The following ABCA9 variants were observed in gnomAD, a reference collection of about 807,000 sequenced individuals.
ABCA9 encodes the protein ATP binding cassette subfamily A member 9.
ABCA9 carries 183 observed loss-of-function variants against 205.3 expected under a neutral mutation model. The ratio of observed to expected loss-of-function variants is 0.89; its 90% CI spans 0.79 to 1.01. The LOEUF (loss-of-function observed/expected upper bound fraction) is 1.01, where lower values mean the gene tolerates loss of function less well. Among genes scored for constraint, ABCA9 ranks in the 50% least tolerant of loss-of-function variants. The pLI is 0.00. For synonymous variants in ABCA9, 651 were observed against 683.3 expected (o/e 0.95, Z 0.74); for missense variants, 1,805 against 1,912.4 (o/e 0.94, Z 1.05).
Position 69,016,278 on chromosome 17 carries a change from T to G in ABCA9, c.3014A>C (p.Gln1005Pro). The change falls in exon 22 of 39, where the codon CAG becomes CCG. Residue 1005 changes from glutamine (Q) to proline (P), a missense_variant. Transcript: ENST00000340001. ...LGIFNSSEHI[Q>P]TDRSTFFEEH... is the part of the protein sequence containing the mutation. ...TTCAAAAAATGTGCTTCTGTCAGTCTGAATGTGTTCTGACGAATTAAAAAT... is the reference window on the plus strand; with the variant it reads ...TTCAAAAAATGTGCTTCTGTCAGTCGGAATGTGTTCTGACGAATTAAAAAT... 6.3e-7 allele frequency: 1 copy of G among 1,589,314 alleles called. No individual in the cohort carries two copies. The highest frequency in any genetic ancestry group is 8.5e-7 in the Non-Finnish European group (1 of 1,170,910).
chr17:69,021,283 T>TA (rs539659802), intron 18 of ABCA9, among the ~76,000 whole-genome samples: 4 of 151,408 alleles, frequency 2.6e-5, no homozygotes, highest in African/African-American at 4.9e-5. Context: ...AGTGAACCAG[T>TA]AAAAAAAATT....
chr17:69,027,532 C>A (rs1487885576), intron 13 of ABCA9, 83 bp from the exon 14 acceptor site: 14 of 1,557,008 alleles, frequency 9.0e-6, no homozygotes, highest in South Asian at 6.0e-5. Context: ...TTACAAAGGG[C>A]CTTTTTGCCT....
At chr17:69,011,783 T>G (rs1461236066) in intron 23 of ABCA9, 193 bp downstream of exon 23, 12 of 475,482 alleles carry the variant, frequency 2.5e-5, no homozygotes, top group Non-Finnish European at 4.1e-5. Flanking sequence ...AAGCTGTCCT[T>G]CCTGAGGTCT....
rs1256678070 is a variant in ABCA9, at chr17:68,989,870, A to G, written c.3898T>C (p.Phe1300Leu). Reference sequence around the variant, plus strand: ...GCAATTTTTTTCTTCCTTTTAGAAAAGCAATTTTTCTTTTTGCCTGCATAT... The same window carrying G: ...GCAATTTTTTTCTTCCTTTTAGAAAGGCAATTTTTCTTTTTGCCTGCATAT... The part of the protein sequence containing the change: ...KEYAGKKKNC[F>L]SKRKKKIATR... The change falls in exon 30 of 39, where the codon TTT becomes CTT. Residue 1300 changes from phenylalanine to leucine, a missense_variant. By Grantham distance (22) the Phe-to-Leu change is conservative. Coordinates refer to ENST00000340001, the MANE Select transcript of ABCA9 (RefSeq NM_080283.4). 3.7e-6 allele frequency: 6 copies of G among 1,613,596 alleles called. No individual in the cohort carries two copies. Among genetic ancestry groups the G allele is most frequent in the Non-Finnish European group, 5.1e-6 (6 of 1,179,662 alleles).
At chr17:69,015,921 C>A (rs1170912834) in intron 22 of ABCA9, among the ~76,000 whole-genome samples, 1 of 151,712 alleles carries the variant, frequency 6.6e-6, no homozygotes, top group Non-Finnish European at 1.5e-5. Flanking sequence ...GCTCTATTGA[C>A]ACCAAGTCAT....
chr17:69,052,365 A>C (rs976838406), intron 1 of ABCA9, among the ~76,000 whole-genome samples: 1 of 152,102 alleles, frequency 6.6e-6, no homozygotes, highest in Admixed American at 6.6e-5. Flanking sequence ...ACAGAGAGAG[A>C]CTCTGTCTCA....
At chr17:69,028,339 A>G (rs547926612) in intron 12 of ABCA9, among the ~76,000 whole-genome samples, 196 bp downstream of exon 12, 1 of 152,012 alleles carries the variant, frequency 6.6e-6, no homozygotes, top group Admixed American at 6.5e-5. Flanking sequence ...GCTAATTTTT[A>G]TATTTTTAGT....
At chr17:68,985,018 G>T (rs181800371) in intron 33 of ABCA9, 35 bp downstream of exon 33, 1 of 1,614,078 alleles carries the variant, frequency 6.2e-7, no homozygotes, top group Non-Finnish European at 8.5e-7. Context: ...TCCCATCTAC[G>T]GCACTTGCAG....
the ABCA9 span, among the ~76,000 whole-genome samples, chr17:69,078,382 A>G: frequency 6.6e-6 from 1 of 152,120 alleles, no homozygotes; most frequent in African/African-American, 2.4e-5. Flanking sequence ...TATTTTTATT[A>G]GAGATGGAGT....
chr17:69,009,941 C>T (rs1024404538), intron 23 of ABCA9, among the ~76,000 whole-genome samples: 5 of 152,054 alleles, frequency 3.3e-5, no homozygotes, highest in South Asian at 2.1e-4. Context: ...CTGGAAAATA[C>T]TTATACTAAA....
At chr17:68,995,261 C>A (rs1258840316) in intron 26 of ABCA9, among the ~76,000 whole-genome samples, 2 of 152,146 alleles carry the variant, frequency 1.3e-5, no homozygotes, top group Non-Finnish European at 2.9e-5. Flanking sequence ...AGAAGGCTAC[C>A]ATTTTTGTTC....
rs764094824 is a variant in ABCA9, at chr17:68,986,165, G to A, written c.4207C>T (p.Arg1403Trp). ...RKGDAMIAIT[R>W]LVDALKLQDQ... Reference sequence around the variant, plus strand: ...GGAGTGCCCCCCAGTCCCAGGTACCGTGTGATGGCGATCATTGCGTCCCCT... The same window carrying A: ...GGAGTGCCCCCCAGTCCCAGGTACCATGTGATGGCGATCATTGCGTCCCCT... Residue 1403 changes from arginine to tryptophan, a missense_variant and splice_region_variant, in exon 32 of 39, where the codon CGG (arginine) becomes TGG (tryptophan). By Grantham distance (101) the Arg-to-Trp change is moderately radical (BLOSUM62 -3). Transcript: ENST00000340001. 50 of 1,608,720 alleles carry A rather than the reference G, an allele frequency of 3.1e-5. No individual in the cohort carries two copies. The highest frequency in any genetic ancestry group is 2.0e-4 in the African/African-American group (15 of 74,724).
chr17:68,992,060 A>T (rs1364270813), intron 28 of ABCA9, 115 bp downstream of exon 28: 3 of 639,422 alleles, frequency 4.7e-6, no homozygotes, highest in East Asian at 3.0e-5. Context: ...TGTATATCAC[A>T]GTCTTTAAAA....
At chr17:68,992,607 AG>A (rs1359327769) in intron 27 of ABCA9, 2 of 214,754 alleles carry the variant, frequency 9.3e-6, no homozygotes, top group African/African-American at 4.7e-5. Context: ...TGAGGTCGGA[AG>A]TTCGAGACCA....
chr17:68,996,387 T>A (rs1262116344), intron 25 of ABCA9, among the ~76,000 whole-genome samples: 2 of 152,256 alleles, frequency 1.3e-5, no homozygotes, highest in Non-Finnish European at 2.9e-5. Flanking sequence ...CTATTTGTTT[T>A]CTTGGCAATT....
chr17:69,013,925 A>G (rs963726633), intron 22 of ABCA9, among the ~76,000 whole-genome samples: 1 of 152,162 alleles, frequency 6.6e-6, no homozygotes, highest in Admixed American at 6.5e-5. Flanking sequence ...ATTCAAAGAG[A>G]TAATTTGTCT....
intron 9 of ABCA9, 129 bp from the exon 10 acceptor site, chr17:69,032,405 T>C: frequency 1.3e-6 from 1 of 799,614 alleles, no homozygotes; most frequent in Non-Finnish European, 1.9e-6. Flanking sequence ...TATTAATTAC[T>C]GTTTTAATGT....
chr17:69,041,977 C>G (rs886297558), intron 6 of ABCA9, among the ~76,000 whole-genome samples: 1 of 152,084 alleles, frequency 6.6e-6, no homozygotes, highest in African/African-American at 2.4e-5. Flanking sequence ...CGCCCAGAAC[C>G]CTTATATGCA....
intron 21 of ABCA9, among the ~76,000 whole-genome samples, chr17:69,016,755 T>G (rs1341070019): frequency 6.6e-6 from 1 of 152,112 alleles, no homozygotes; most frequent in Non-Finnish European, 1.5e-5. Flanking sequence ...GTATATAATG[T>G]TTGGATACTT....
Sources: allele counts gnomAD v4.1 joint callset (sites outside exome capture counted in the v4.1 genomes callset), GRCh38; gene constraint gnomAD v4.1.1; transcripts MANE v1.5; gene names NCBI Gene and HGNC (gene_info 2026-07-23, HGNC 2026-07-21).